The following PRKAB1 variants were observed in gnomAD, a reference collection of about 807,000 sequenced individuals.
PRKAB1 encodes protein kinase AMP-activated non-catalytic subunit beta 1, also known as 5'-AMP-activated protein kinase subunit beta-1.
In PRKAB1, 18 loss-of-function variants were observed where a neutral mutation model predicts 32.0. That is an observed-to-expected ratio of 0.56 (90% CI 0.39 to 0.83). PRKAB1 has a LOEUF of 0.83. Among genes scored for constraint, PRKAB1 ranks in the 40% least tolerant of loss-of-function variants. The probability of loss-of-function intolerance (pLI) is 0.00; values close to 1 mark genes in which losing one functional copy is unlikely to be tolerated. For missense variants in PRKAB1, 263 were observed against 352.6 expected, an observed-to-expected ratio of 0.75 and a Z score of 2.03; for synonymous variants, 141 against 141.4, an observed-to-expected ratio of 1.00 and a Z score of 0.02.
Position 119,674,159 on chromosome 12 carries a change from G to T in PRKAB1, c.417+102G>T. 1 of 1,183,744 alleles carries T rather than the reference G, an allele frequency of 8.4e-7. No homozygotes were observed. Among genetic ancestry groups the T allele is most frequent in the Non-Finnish European group, 1.2e-6 (1 of 816,666 alleles). The allele number at this position is 1,183,744 out of a possible 1,614,324, so 73.3% of individuals were successfully genotyped here. A position where few individuals can be genotyped will look rare whatever the true frequency, so the allele number is the denominator to read the frequency against. On this transcript the variant is annotated intron_variant, in intron 3 of 6. Coordinates refer to ENST00000229328, the MANE Select transcript of PRKAB1 (RefSeq NM_006253.5). This position sits in a 1 kb window ranked among gnomAD's most constrained non-coding sequence, Gnocchi z 4.3. ...AGGTCCCTTTGCCCAGCTAGTAAAA[G>T]TCCCCGTGTGTGGCAGAGCTGAGTA...
Position 119,680,269 on chromosome 12 carries a change from G to A in PRKAB1, c.757G>A (p.Ala253Thr), listed in dbSNP as rs781167231. 1.6e-5 allele frequency: 26 copies of A among 1,613,924 alleles called. No individual in the cohort carries two copies. Among genetic ancestry groups the A allele is most frequent in the African/African-American group, 4.0e-5 (3 of 74,890 alleles). Residue 253 changes from alanine (A) to threonine (T), a missense_variant, in exon 7 of 7, where the codon GCA becomes ACA. Transcript: ENST00000229328. ...TTAGGATGGAGTGATGGTGCTCAGC[G>A]CAACCCACCGGTACAAGAAGAAGTA... is the stretch of plus-strand genomic sequence containing the variant. ...SIKDGVMVLS[A>T]THRYKKKYVT...
intron 4 of PRKAB1, among the ~76,000 whole-genome samples, chr12:119,675,826 C>T (rs933771720): frequency 2.0e-5 from 3 of 152,150 alleles, no homozygotes; most frequent in Admixed American, 6.5e-5. Flanking sequence ...CAGGATCTGG[C>T]GACCAGAACC....
intron 2 of PRKAB1, among the ~76,000 whole-genome samples, chr12:119,673,236 G>A (rs1955400082): frequency 6.6e-6 from 1 of 152,092 alleles, no homozygotes; most frequent in Non-Finnish European, 1.5e-5. Context: ...TCTCCAAAAA[G>A]AAAAGAAAAA....
chr12:119,673,476 AG>A (rs1204032439), intron 2 of PRKAB1, among the ~76,000 whole-genome samples: 2 of 152,218 alleles, frequency 1.3e-5, no homozygotes, highest in African/African-American at 4.8e-5. Flanking sequence ...AGTTCAAGCC[AG>A]GGGACAAAAC....
chr12:119,673,915 G>T, intron 2 of PRKAB1, 49 bp from the exon 3 acceptor site: 1 of 1,518,416 alleles, frequency 6.6e-7, no homozygotes, highest in South Asian at 1.2e-5. Context: ...AAGTAAGCTC[G>T]GGGGGCAGCC....
At position 119,680,327 on chromosome 12, in the gene PRKAB1, G is replaced by T. The variant is rs150980218; in HGVS notation, c.*2G>T. The T allele has an allele frequency of 4.3e-6, 7 of 1,613,700 alleles. No individual in the cohort carries two copies. The highest frequency in any genetic ancestry group is 5.1e-6 in the Non-Finnish European group (6 of 1,179,656). On this transcript the variant is annotated 3_prime_UTR_variant, in exon 7 of 7. Coordinates refer to ENST00000229328, the MANE Select transcript of PRKAB1 (RefSeq NM_006253.5). ...ACCTTGTTATACAAGCCCATATGAA[G>T]AGCTGGGGGCGGATGGTGGCCCAGG...
At chr12:119,676,059 C>A (rs942887081) in intron 4 of PRKAB1, among the ~76,000 whole-genome samples, 1 of 152,184 alleles carries the variant, frequency 6.6e-6, no homozygotes, top group African/African-American at 2.4e-5. Flanking sequence ...AAATGTGCCT[C>A]GTTTAGCCTG....
chr12:119,676,796 G>T (rs1415707476), intron 5 of PRKAB1, 126 bp downstream of exon 5: 2 of 1,277,506 alleles, frequency 1.6e-6, no homozygotes, highest in Admixed American at 2.5e-5. Flanking sequence ...TGTGAACTGT[G>T]CCGTTCACCT....
At position 119,679,805 on chromosome 12, in the gene PRKAB1, C is replaced by G; in HGVS notation, c.667-128C>G. On this transcript the variant is annotated intron_variant, in intron 5 of 6. Coordinates refer to ENST00000229328, the MANE Select transcript of PRKAB1 (RefSeq NM_006253.5). This position sits in a 1 kb window ranked among gnomAD's most constrained non-coding sequence, Gnocchi z 4.1. ...TCGTCTTGGACAAGCCCTTGCGCTG[C>G]CTGATTTGGGAAGAGAGGTCGGCCT... 1.0e-6 allele frequency: 1 copy of G among 1,001,078 alleles called. No homozygotes were observed. The allele number at this position is 1,001,078 out of a possible 1,614,324, so 62.0% of individuals were successfully genotyped here.
intron 1 of PRKAB1, among the ~76,000 whole-genome samples, chr12:119,670,441 C>G (rs1955378996): frequency 6.6e-6 from 1 of 152,152 alleles, no homozygotes. Context: ...GCCCTACAAC[C>G]TGTGGTTTGA....
At chr12:119,673,889 C>G (rs1955404631) in intron 2 of PRKAB1, 75 bp from the exon 3 acceptor site, 1 of 1,228,800 alleles carries the variant, frequency 8.1e-7, no homozygotes, top group South Asian at 1.4e-5. Context: ...ACGTTTTGTT[C>G]TGTAGCTGGT....
intron 1 of PRKAB1, among the ~76,000 whole-genome samples, chr12:119,670,544 A>G (rs951078767): frequency 9.2e-5 from 14 of 152,234 alleles, no homozygotes; most frequent in Admixed American, 6.5e-4. Context: ...TCCTTTCCCC[A>G]GGAGGTAATT....
rs1955427475 is a variant in PRKAB1 at position 119,676,531 on chromosome 12, C to T, written c.533-6C>T. ...AAAGTAAAGTCCTGTTACCATCTCC[C>T]AACAGAGCTGTCCAGTTCTCCCCCA... On this transcript the variant is annotated splice_polypyrimidine_tract_variant and splice_region_variant and intron_variant, in intron 4 of 6. Transcript: ENST00000229328. The T allele has an allele frequency of 2.5e-6, 4 of 1,606,566 alleles. No homozygotes were observed. The highest frequency in any genetic ancestry group is 2.2e-5 in the East Asian group (1 of 44,618).
In PRKAB1 at chr12:119,668,509, G is replaced by A. The variant is rs895621864; in HGVS notation, c.159+106G>A. ...TTTCGAAAAACACCAGAACGGAGAG[G>A]GAGGTGGTACATTACCCGGTGCACT... On this transcript the variant is annotated intron_variant, in intron 1 of 6. Transcript: ENST00000229328. The A allele has an allele frequency of 4.2e-6, 6 of 1,443,978 alleles. No individual in the cohort carries two copies. In the African/African-American group the frequency reaches 8.7e-5, roughly 21 times the overall value. 89.4% of individuals were successfully genotyped at this position (1,443,978 alleles called of 1,614,324 possible). A position where few individuals can be genotyped will look rare whatever the true frequency, so the allele number is the denominator to read the frequency against.
Position 119,677,066 on chromosome 12 carries a change from A to G in PRKAB1, c.666+396A>G, listed in dbSNP as rs533061614. 3.3e-5 allele frequency among the ~76,000 whole-genome samples: 5 copies of G among 152,366 alleles called. No homozygotes were observed. In the East Asian group the frequency reaches 9.6e-4, roughly 29 times the overall value. On this transcript the variant is annotated intron_variant, in intron 5 of 6. Transcript: ENST00000229328. Reference sequence around the variant, plus strand: ...GTACTCCTGGATCAAAATTTGGGATATCTAGGTAACACACATTTCTCCTCC... The same window carrying G: ...GTACTCCTGGATCAAAATTTGGGATGTCTAGGTAACACACATTTCTCCTCC...
rs1372845223 is a variant in PRKAB1, at chr12:119,668,400, C to T, written c.156C>T (p.Ile52=). 1 of 1,612,568 alleles carries T rather than the reference C, an allele frequency of 6.2e-7. No individual in the cohort carries two copies. The highest frequency in any genetic ancestry group is 2.2e-5 in the East Asian group (1 of 44,764). The change falls in exon 1 of 7, where the codon ATC becomes ATT. Residue 52 remains isoleucine, a synonymous_variant. Coordinates refer to ENST00000229328, the MANE Select transcript of PRKAB1 (RefSeq NM_006253.5). Reference sequence around the variant, plus strand: ...CCGACCTCTTCCACTCCGAGGAAATCAAGGTGCGAGCGGTGTGGAGGAACC... The same window carrying T: ...CCGACCTCTTCCACTCCGAGGAAATTAAGGTGCGAGCGGTGTGGAGGAACC... The part of the protein sequence containing the change: ...EDADLFHSEE[I]KAPEKEEFLA...
Position 119,674,022 on chromosome 12 carries a change from T to C in PRKAB1, c.382T>C (p.Phe128Leu). ...GGAAGGAGAGCATCAGTACAAGTTC[T>C]TTGTGGATGGTCAGTGGACGCACGA... ...LPEGEHQYKF[F>L]VDGQWTHDPS... The change falls in exon 3 of 7, where the codon TTT (phenylalanine) becomes CTT (leucine). Residue 128 changes from phenylalanine (F) to leucine (L), a missense_variant. Transcript: ENST00000229328. The surrounding 1 kb of genome is among the most constrained non-coding windows in gnomAD (Gnocchi z 4.3). The C allele has an allele frequency of 3.1e-6, 5 of 1,614,114 alleles. No homozygotes were observed. Among genetic ancestry groups the C allele is most frequent in the Non-Finnish European group, 4.2e-6 (5 of 1,180,026 alleles).
chr12:119,673,058 C>T lies in PRKAB1; in HGVS notation c.323+594C>T, dbSNP rs143742666. Among the ~76,000 whole-genome samples, 354 of 152,166 alleles carry T rather than the reference C, an allele frequency of 2.3e-3. 1 individual carries two copies. The highest frequency in any genetic ancestry group is 8.1e-3 in the African/African-American group (336 of 41,530). ...AGCCTGGGCAACATAGTGAGACCCC[C>T]ATCTCTACAAAAAAATTAAAAATTA... On this transcript the variant is annotated intron_variant, in intron 2 of 6. Coordinates refer to ENST00000229328, the MANE Select transcript of PRKAB1 (RefSeq NM_006253.5).
At chr12:119,672,513 T>C in intron 2 of PRKAB1, 49 bp downstream of exon 2, 2 of 1,441,582 alleles carry the variant, frequency 1.4e-6, no homozygotes, top group Non-Finnish European at 1.8e-6. Flanking sequence ...TAAATTCTCT[T>C]CTTTCTAAAA....
Sources: allele counts gnomAD v4.1 joint callset (sites outside exome capture counted in the v4.1 genomes callset), GRCh38; gene constraint gnomAD v4.1.1; non-coding constraint Gnocchi (gnomAD v3.1); transcripts MANE v1.5; gene names NCBI Gene and HGNC (gene_info 2026-07-23, HGNC 2026-07-21).